ZSCAN2: variants seen among roughly 807,000 people sequenced by gnomAD.
ZSCAN2 encodes the protein zinc finger and SCAN domain containing 2.
ZSCAN2 carries 26 observed loss-of-function variants against 47.8 expected under a neutral mutation model. The ratio of observed to expected loss-of-function variants is 0.54; its 90% CI spans 0.40 to 0.75. ZSCAN2 has a LOEUF of 0.75. ZSCAN2 is among the 30% of genes least tolerant of loss of function. The pLI, the probability that ZSCAN2 is intolerant of heterozygous loss-of-function variation, is 0.00. For synonymous variants in ZSCAN2, 305 were observed against 288.7 expected, an observed-to-expected ratio of 1.06 and a Z score of -0.57; for missense variants, 732 against 785.4, an observed-to-expected ratio of 0.93 and a Z score of 0.81.
intron 2 of ZSCAN2, among the ~76,000 whole-genome samples, chr15:84,612,859 C>T (rs1053633628): frequency 2.0e-5 from 3 of 152,184 alleles, no homozygotes; most frequent in Non-Finnish European, 4.4e-5. Context: ...AAAGACTTGA[C>T]ATTTAAAAGA....
chr15:84,602,736 C>G (rs1040344875), intron 1 of ZSCAN2, among the ~76,000 whole-genome samples: 1 of 151,914 alleles, frequency 6.6e-6, no homozygotes, highest in African/African-American at 2.4e-5. Flanking sequence ...TTACAGGCGC[C>G]CGTCACCATG....
intron 2 of ZSCAN2, among the ~76,000 whole-genome samples, chr15:84,608,530 CAAAAAA>C (rs1181525313): frequency 5.4e-5 from 5 of 92,670 alleles, no homozygotes; most frequent in Non-Finnish European, 8.3e-5. Flanking sequence ...GACTCTGTCT[CAAAAAA>C]AAAAAAAAAA....
At position 84,622,050 on chromosome 15, in the gene ZSCAN2, G is replaced by T; in HGVS notation, c.*10G>T. The T allele has an allele frequency of 6.3e-7, 1 of 1,582,120 alleles. No homozygotes were observed. Among genetic ancestry groups the T allele is most frequent in the Non-Finnish European group, 8.6e-7 (1 of 1,162,434 alleles). On this transcript the variant is annotated 3_prime_UTR_variant, in exon 3 of 3. Coordinates refer to ENST00000546148, the MANE Select transcript of ZSCAN2 (RefSeq NM_181877.4). ...AGAGAAACTTTATTGAAGTGGCAAA[G>T]AGTGAAAGTGAGGGACTGGCCTGGA...
chr15:84,613,138 T>C (rs1895600646), intron 2 of ZSCAN2, among the ~76,000 whole-genome samples: 1 of 152,250 alleles, frequency 6.6e-6, no homozygotes, highest in Non-Finnish European at 1.5e-5. Context: ...GCCAACCGTA[T>C]TGTATGCTAA....
In ZSCAN2 at chr15:84,606,894, A is replaced by T. The variant is rs996874888; in HGVS notation, c.406+2561A>T. 5 of 1,114,644 alleles carry T rather than the reference A, an allele frequency of 4.5e-6. No homozygotes were observed. In the African/African-American group the frequency reaches 8.4e-5, roughly 19 times the overall value. The allele number at this position is 1,114,644 out of a possible 1,614,324, so 69.0% of individuals were successfully genotyped here. The stretch of plus-strand genomic sequence containing the variant: ...CCCGACCTTCCTCATGATTGCTCAC[A>T]GGAGTCCCTGCGTTTGTCTTCATCC... On this transcript the variant is annotated intron_variant, in intron 2 of 2. Transcript: ENST00000546148.
intron 1 of ZSCAN2, among the ~76,000 whole-genome samples, chr15:84,601,499 T>C (rs1895201233): frequency 6.6e-6 from 1 of 152,172 alleles, no homozygotes; most frequent in Admixed American, 6.5e-5. Context: ...CCTGGCACAC[T>C]TTTCCCAGGC....
chr15:84,603,698 C>T, intron 1 of ZSCAN2, 122 bp from the exon 2 acceptor site: 2 of 459,640 alleles, frequency 4.4e-6, no homozygotes, highest in South Asian at 7.6e-5. Context: ...TTAAGAAGAA[C>T]AGGAAACGTC....
chr15:84,608,448 G>A (rs948124381), intron 2 of ZSCAN2, among the ~76,000 whole-genome samples: 3 of 150,344 alleles, frequency 2.0e-5, no homozygotes, highest in Non-Finnish European at 2.9e-5. Context: ...CAGGAGAATC[G>A]CTTGAACCTG....
chr15:84,615,538 C>T (rs1420485533), intron 2 of ZSCAN2, among the ~76,000 whole-genome samples: 2 of 152,150 alleles, frequency 1.3e-5, no homozygotes, highest in African/African-American at 4.8e-5. Flanking sequence ...GCCATGTTTC[C>T]TAAGTTGTCC....
At chr15:84,610,105 GC>G (rs1190021980) in intron 2 of ZSCAN2, among the ~76,000 whole-genome samples, 10 of 152,230 alleles carry the variant, frequency 6.6e-5, no homozygotes, top group Non-Finnish European at 1.3e-4. Flanking sequence ...TACGGTGGCA[GC>G]TTTTGTCCAC....
chr15:84,616,531 T>C (rs908082557), intron 2 of ZSCAN2: 1 of 1,337,138 alleles, frequency 7.5e-7, no homozygotes, highest in Non-Finnish European at 9.6e-7. Flanking sequence ...TCTGCTGTTT[T>C]GGGAAGCCCT....
intron 2 of ZSCAN2, among the ~76,000 whole-genome samples, chr15:84,605,468 G>A (rs1352348687): frequency 6.6e-6 from 1 of 152,214 alleles, no homozygotes; most frequent in Non-Finnish European, 1.5e-5. Context: ...CAGCTGAGAG[G>A]AGCTGTGCTG....
intron 1 of ZSCAN2, among the ~76,000 whole-genome samples, chr15:84,602,712 C>T (rs1895248728): frequency 6.6e-6 from 1 of 151,984 alleles, no homozygotes; most frequent in Non-Finnish European, 1.5e-5. Flanking sequence ...CCTCAGCCTC[C>T]TGAGTAGCTG....
At chr15:84,607,405 C>G (rs1219809795) in intron 2 of ZSCAN2, among the ~76,000 whole-genome samples, 1 of 152,024 alleles carries the variant, frequency 6.6e-6, no homozygotes, top group African/African-American at 2.4e-5. Flanking sequence ...TGGGACCTGG[C>G]CCAAACCTCC....
Position 84,603,861 on chromosome 15 carries a change from T to C in ZSCAN2, c.-67T>C, listed in dbSNP as rs530227193. On this transcript the variant is annotated 5_prime_UTR_variant, in exon 2 of 3. Coordinates refer to ENST00000546148, the MANE Select transcript of ZSCAN2 (RefSeq NM_181877.4). ...TATTTGAGGAGGGAAGTGTCTTACC[T>C]GAGAGCCTGGCTGGAGAAGACTGAG... 31 of 1,540,586 alleles carry C rather than the reference T, an allele frequency of 2.0e-5. No homozygotes were observed. The highest frequency in any genetic ancestry group is 2.6e-5 in the Non-Finnish European group (30 of 1,141,074).
chr15:84,621,784 A>G lies in ZSCAN2; in HGVS notation c.1589A>G (p.Tyr530Cys), dbSNP rs1276562636. 12 of 1,614,130 alleles carry G rather than the reference A, an allele frequency of 7.4e-6. No individual in the cohort carries two copies. The highest frequency in any genetic ancestry group is 1.0e-5 in the Non-Finnish European group (12 of 1,180,050). Residue 530 changes from tyrosine (Y) to cysteine (C), a missense_variant, in exon 3 of 3, where the codon TAC (tyrosine) becomes TGC (cysteine). Around this residue, in one of 2 missense-constraint regions of ZSCAN2, gnomAD observed 412 missense variants for 498.0 expected, o/e 0.83. Coordinates refer to ENST00000546148, the MANE Select transcript of ZSCAN2 (RefSeq NM_181877.4). This position sits in a 1 kb window ranked among gnomAD's most constrained non-coding sequence, Gnocchi z 5.7. ...HQRTHTGEKP[Y>C]KCLMCGKSFS... Reference sequence around the variant, plus strand: ...CGGACCCACACGGGCGAGAAGCCCTACAAATGCCTCATGTGCGGCAAGAGC... The same window carrying G: ...CGGACCCACACGGGCGAGAAGCCCTGCAAATGCCTCATGTGCGGCAAGAGC...
rs566014594 is a variant in ZSCAN2 at position 84,622,012 on chromosome 15, G to A, written c.1817G>A (p.Arg606Lys). 1.3e-5 allele frequency: 21 copies of A among 1,607,782 alleles called. No homozygotes were observed. In the Admixed American group the frequency reaches 3.2e-4, roughly 25 times the overall value. The change falls in exon 3 of 3, where the codon AGA becomes AAA. Residue 606 changes from arginine (R) to lysine (K), a missense_variant. Arg to Lys is a conservative substitution (Grantham distance 26). Around this residue, in one of 2 missense-constraint regions of ZSCAN2, gnomAD observed 412 missense variants for 498.0 expected, o/e 0.83. Transcript: ENST00000546148. Reference sequence around the variant, plus strand: ...AGCTCTAACTTTATCACACATCAGAGAACTCACATGAAAGAGAAACTTTAT... The same window carrying A: ...AGCTCTAACTTTATCACACATCAGAAAACTCACATGAAAGAGAAACTTTAT... ...SNSSNFITHQ[R>K]THMKEKLY
chr15:84,615,126 G>A lies in ZSCAN2; in HGVS notation c.407-5476G>A, dbSNP rs535020255. On this transcript the variant is annotated intron_variant, in intron 2 of 2. Transcript: ENST00000546148. ...CTGTCACCACACCCAGCCAATTTTT[G>A]TATTTTTTTAGTAGAGACGGGGTTT... is the stretch of plus-strand genomic sequence containing the variant. 1.4e-3 allele frequency among the ~76,000 whole-genome samples: 213 copies of A among 152,048 alleles called. 1 individual carries two copies. The highest frequency in any genetic ancestry group is 5.0e-3 in the African/African-American group (206 of 41,486).
chr15:84,619,926 G>GTTTTTTTTTTTTTTTTTTTT (rs1567012471), intron 2 of ZSCAN2, among the ~76,000 whole-genome samples: 1 of 28,672 alleles, frequency 3.5e-5, no homozygotes, highest in Non-Finnish European at 7.8e-5. Context: ...AGCCTGGGTT[G>GTTTTTTTTTTTTTTTTTTTT]GTTTTTTTTT....
Sources: gnomAD v4.1 joint callset for allele counts (sites outside exome capture counted in the v4.1 genomes callset) on GRCh38, gnomAD v4.1.1 for gene constraint, gnomAD v4.1.1 regional missense constraint, Gnocchi (gnomAD v3.1) non-coding constraint, MANE v1.5 for transcripts, NCBI Gene and HGNC (gene_info 2026-07-23, HGNC 2026-07-21) for gene names.